Variants in GBP7 observed in about 807,000 individuals in gnomAD.
The protein encoded by GBP7 is guanylate binding protein 7.
A neutral mutation model predicts 61.3 loss-of-function variants in GBP7; 43 were observed. The ratio of observed to expected loss-of-function variants is 0.70; its 90% CI spans 0.55 to 0.91. The LOEUF (loss-of-function observed/expected upper bound fraction) is 0.91. Ranked by LOEUF, GBP7 falls within the 40% of genes least tolerant of loss-of-function variation. GBP7 has a pLI of 0.00. For synonymous variants in GBP7, 267 were observed against 271.0 expected (o/e 0.99, Z 0.14); for missense variants, 717 against 740.5 (o/e 0.97, Z 0.37).
intron 9 of GBP7, among the ~76,000 whole-genome samples, chr1:89,141,301 G>T (rs1681941653): frequency 6.6e-6 from 1 of 152,194 alleles, no homozygotes; most frequent in Non-Finnish European, 1.5e-5. Context: ...CCAAGGTGGG[G>T]AATTGAGAAT....
intron 9 of GBP7, among the ~76,000 whole-genome samples, chr1:89,138,447 G>A (rs1225030027): frequency 6.6e-6 from 1 of 151,796 alleles, no homozygotes. Flanking sequence ...AAAATAGCAT[G>A]GTGCTGGTCA....
At position 89,132,219 on chromosome 1, in the gene GBP7, T is replaced by C. The variant is rs1245324365; in HGVS notation, c.1847A>G (p.Asp616Gly). 1 of 1,613,600 alleles carries C rather than the reference T, an allele frequency of 6.2e-7. No individual in the cohort carries two copies. The highest frequency in any genetic ancestry group is 2.2e-5 in the East Asian group (1 of 44,864). The change falls in exon 11 of 11, where the codon GAT (aspartate) becomes GGT (glycine). Residue 616 changes from aspartate (D) to glycine (G), a missense_variant. By Grantham distance (94) the Asp-to-Gly change is moderately conservative. Transcript: ENST00000294671. ...TGAGCTAAGAATTTTCATTCCTAAATCAACTAGCTTAGCAGCCCCAGGTAG... is the reference window on the plus strand; with the variant it reads ...TGAGCTAAGAATTTTCATTCCTAAACCAACTAGCTTAGCAGCCCCAGGTAG... The part of the protein sequence containing the change: ...AALPGAAKLV[D>G]LGMKILSSLC...
rs758202326 is a variant in GBP7, at chr1:89,152,650, C to T, written c.428+18G>A. The T allele has an allele frequency of 1.9e-6, 3 of 1,606,782 alleles. No homozygotes were observed. Among genetic ancestry groups the T allele is most frequent in the South Asian group, 1.1e-5 (1 of 90,368 alleles). ...CTAAACTCCATAAAACCTGGCTCTTCACTTCCTGGAAGGATACTGCAGCTG... is the reference window on the plus strand; with the variant it reads ...CTAAACTCCATAAAACCTGGCTCTTTACTTCCTGGAAGGATACTGCAGCTG... On this transcript the variant is annotated intron_variant, in intron 4 of 10. Coordinates refer to ENST00000294671, the MANE Select transcript of GBP7 (RefSeq NM_207398.3).
chr1:89,137,545 A>G (rs1329198962), intron 9 of GBP7, among the ~76,000 whole-genome samples: 1 of 152,060 alleles, frequency 6.6e-6, no homozygotes, highest in African/African-American at 2.4e-5. Flanking sequence ...GGGACTCAGA[A>G]CAAAAACCAG....
chr1:89,152,980 C>G (rs113840999), intron 3 of GBP7, among the ~76,000 whole-genome samples: 5,017 of 152,164 alleles, frequency 0.033, 270 homozygotes, highest in African/African-American at 0.11. Flanking sequence ...GAAAAAGCAC[C>G]TAAACATCTC....
intron 1 of GBP7, 145 bp from the exon 2 acceptor site, chr1:89,172,099 C>T (rs1647619634): frequency 6.9e-6 from 4 of 575,794 alleles, no homozygotes; most frequent in Admixed American, 6.0e-5. Flanking sequence ...TAAGGCTGTC[C>T]TATAGACTGG....
At chr1:89,149,738 G>A (rs1459777794) in intron 6 of GBP7, among the ~76,000 whole-genome samples, 166 bp from the exon 7 acceptor site, 1 of 151,726 alleles carries the variant, frequency 6.6e-6, no homozygotes, top group Non-Finnish European at 1.5e-5. Context: ...TTTTTATGGA[G>A]TCACTTTCCT....
chr1:89,164,980 A>G lies in GBP7; in HGVS notation c.191-122T>C. ...AGGGGAAACGGGTTGCTTCCATTTC[A>G]GCAAAGACAATCAATCAAATCTTTA... On this transcript the variant is annotated intron_variant, in intron 2 of 10. Transcript: ENST00000294671. The G allele has an allele frequency of 3.4e-6, 3 of 893,552 alleles. No homozygotes were observed. The South Asian group carries it at 5.1e-5, about 15-fold the overall frequency. 55.4% of individuals were successfully genotyped at this position (893,552 alleles called of 1,614,324 possible).
intron 3 of GBP7, among the ~76,000 whole-genome samples, chr1:89,161,381 C>T (rs1226277244): frequency 1.3e-5 from 2 of 152,144 alleles, no homozygotes; most frequent in Non-Finnish European, 2.9e-5. Flanking sequence ...CTAATTTACA[C>T]TCCCACCAAC....
intron 3 of GBP7, among the ~76,000 whole-genome samples, chr1:89,159,142 G>A (rs975164627): frequency 2.0e-5 from 3 of 152,180 alleles, no homozygotes; most frequent in African/African-American, 4.8e-5. Context: ...ATGGTGCTGG[G>A]AAAACTGGCT....
Position 89,147,612 on chromosome 1 carries a change from C to CT in GBP7, c.1319dup (p.Lys441GlufsTer3). ...CTAGTGTATAGTCCTGTTCAATCTT[C>CT]TTTTTTGCTTCTAAGTAGATATTGT... On this transcript the variant is annotated frameshift_variant, in exon 8 of 11. Transcript: ENST00000294671. LOFTEE classifies it high-confidence loss of function. The CT allele has an allele frequency of 1.9e-6, 3 of 1,614,086 alleles. No homozygotes were observed. The highest frequency in any genetic ancestry group is 2.5e-6 in the Non-Finnish European group (3 of 1,179,984).
In GBP7 at chr1:89,152,743, A is replaced by G; in HGVS notation, c.353T>C (p.Leu118Pro). 1.2e-6 allele frequency: 2 copies of G among 1,612,480 alleles called. No homozygotes were observed. The highest frequency in any genetic ancestry group is 1.7e-6 in the Non-Finnish European group (2 of 1,179,528). ...DPKSDSWIFA[L>P]AVLLSSSFVY... Reference sequence around the variant, plus strand: ...AAAGCTGCTGCTTAGAAGCACAGCCAGGGCAAAGATCCACGAGTCACTCTT... The same window carrying G: ...AAAGCTGCTGCTTAGAAGCACAGCCGGGGCAAAGATCCACGAGTCACTCTT... Residue 118 changes from leucine (L) to proline (P), a missense_variant, in exon 4 of 11, where the codon CTG becomes CCG. Around this residue, in one of 3 missense-constraint regions of GBP7, gnomAD observed 387 missense variants for 385.2 expected, o/e 1.00. Transcript: ENST00000294671.
At chr1:89,159,171 G>C (rs1470551398) in intron 3 of GBP7, among the ~76,000 whole-genome samples, 1 of 152,178 alleles carries the variant, frequency 6.6e-6, no homozygotes, top group East Asian at 1.9e-4. Context: ...GTAGAAAGCT[G>C]AAACTGGATC....
chr1:89,173,090 C>T (rs1394483725), intron 1 of GBP7, among the ~76,000 whole-genome samples: 8 of 151,940 alleles, frequency 5.3e-5, no homozygotes, highest in African/African-American at 1.7e-4. Flanking sequence ...ATATTTTCAG[C>T]GCTTCTTTCC....
At chr1:89,144,396 A>G (rs1682019415) in intron 8 of GBP7, among the ~76,000 whole-genome samples, 1 of 152,150 alleles carries the variant, frequency 6.6e-6, no homozygotes, top group Non-Finnish European at 1.5e-5. Flanking sequence ...TATACCTAGT[A>G]ATGGGATTGC....
Position 89,150,382 on chromosome 1 carries a change from G to A in GBP7, c.819C>T (p.Phe273=). The A allele has an allele frequency of 1.2e-6, 2 of 1,613,826 alleles. No individual in the cohort carries two copies. The highest frequency in any genetic ancestry group is 2.2e-5 in the South Asian group (2 of 91,078). ...TCAGGGTCTTGGTCTTTGCATGGGT[G>A]AAGATATAAGAACAGAAATTTTCTG... The part of the protein sequence containing the change: ...MQSENFCSYI[F]THAKTKTLRE... The change falls in exon 6 of 11, where the codon TTC becomes TTT. Residue 273 remains phenylalanine, a synonymous_variant. Transcript: ENST00000294671.
Position 89,140,751 on chromosome 1 carries a change from A to C in GBP7, c.1468+795T>G, listed in dbSNP as rs567286148. The stretch of plus-strand genomic sequence containing the variant: ...CTACCATAAAGACACATGAATGTGC[A>C]TGTTCATCGGTGCACTATTTCCAAT... On this transcript the variant is annotated intron_variant, in intron 9 of 10. Transcript: ENST00000294671. 5.9e-5 allele frequency among the ~76,000 whole-genome samples: 9 copies of C among 152,328 alleles called. No individual in the cohort carries two copies. The South Asian group carries it at 1.9e-3, about 32-fold the overall frequency.
chr1:89,145,327 A>G (rs1002075008), intron 8 of GBP7, among the ~76,000 whole-genome samples: 3 of 152,176 alleles, frequency 2.0e-5, no homozygotes, highest in African/African-American at 7.2e-5. Context: ...GGCTGATTTC[A>G]CTAAGCATAA....
intron 1 of GBP7, among the ~76,000 whole-genome samples, chr1:89,173,503 G>A (rs1220287272): frequency 2.6e-5 from 4 of 152,098 alleles, no homozygotes; most frequent in Non-Finnish European, 5.9e-5. Flanking sequence ...TATTCATATA[G>A]TAGTTTCAAA....
Sources: allele counts gnomAD v4.1 joint callset (sites outside exome capture counted in the v4.1 genomes callset), GRCh38; gene constraint gnomAD v4.1.1; regional missense constraint gnomAD v4.1.1; transcripts MANE v1.5; gene names NCBI Gene and HGNC (gene_info 2026-07-23, HGNC 2026-07-21).